Variants in PPP6R3 observed in about 807,000 individuals in gnomAD.
The protein encoded by PPP6R3 is serine/threonine-protein phosphatase 6 regulatory subunit 3.
PPP6R3 carries 38 observed loss-of-function variants against 110.7 expected under a neutral mutation model. That is an observed-to-expected ratio of 0.34 (90% confidence interval 0.26 to 0.45). The LOEUF is 0.45. Ranked by LOEUF, PPP6R3 falls within the 20% of genes least tolerant of loss-of-function variation. The pLI is 1.00. For missense variants in PPP6R3, 870 were observed against 1,062.4 expected, an observed-to-expected ratio of 0.82 and a Z score of 2.52; for synonymous variants, 369 against 373.5, an observed-to-expected ratio of 0.99 and a Z score of 0.14.
chr11:68,469,621 C>G (rs563754069), intron 1 of PPP6R3, among the ~76,000 whole-genome samples: 2 of 151,974 alleles, frequency 1.3e-5, no homozygotes, highest in Non-Finnish European at 2.9e-5. Flanking sequence ...TCAAGCAGTC[C>G]TCCCACCTTG....
rs142751405 is a variant in PPP6R3 at position 68,548,581 on chromosome 11, G to A, written c.552+377G>A. Among the ~76,000 whole-genome samples the A allele has an allele frequency of 5.3e-5, 8 of 152,258 alleles. No individual in the cohort carries two copies. The East Asian group carries it at 1.5e-3, about 29-fold the overall frequency. On this transcript the variant is annotated intron_variant, in intron 5 of 23. Coordinates refer to ENST00000393800, the MANE Select transcript of PPP6R3 (RefSeq NM_001164161.2). The stretch of plus-strand genomic sequence containing the variant: ...TCTAAGTCCCATTTGAGTATGTTAT[G>A]AGGCCACGCTCTTCAGGGCCACCTC...
At chr11:68,468,287 CA>C (rs757550972) in intron 1 of PPP6R3, among the ~76,000 whole-genome samples, 17 of 152,160 alleles carry the variant, frequency 1.1e-4, no homozygotes, top group Admixed American at 4.6e-4. Flanking sequence ...TAGTATGTGT[CA>C]GTTTTTTGTC....
chr11:68,505,192 C>T (rs2099069328), intron 1 of PPP6R3: 1 of 152,172 alleles, frequency 6.6e-6, no homozygotes, highest in Admixed American at 6.5e-5. Flanking sequence ...CAAATAGTGA[C>T]AGAACTTCCT....
intron 1 of PPP6R3, among the ~76,000 whole-genome samples, chr11:68,499,138 C>T (rs1328468655): frequency 1.3e-5 from 2 of 150,850 alleles, no homozygotes; most frequent in Non-Finnish European, 3.0e-5. Context: ...TTTTTATTAC[C>T]TTTCTATTTT....
At chr11:68,496,138 T>A (rs2099014117) in intron 1 of PPP6R3, among the ~76,000 whole-genome samples, 1 of 152,090 alleles carries the variant, frequency 6.6e-6, no homozygotes, top group Non-Finnish European at 1.5e-5. Flanking sequence ...CACAGGCATA[T>A]GCCACCATCT....
chr11:68,583,037 A>G lies in PPP6R3; in HGVS notation c.1546-6A>G, dbSNP rs190880089. 6,745 of 1,507,022 alleles carry G rather than the reference A, an allele frequency of 4.5e-3. 13 individuals are homozygous for G. The highest frequency in any genetic ancestry group is 5.5e-3 in the Non-Finnish European group (6,111 of 1,118,112). The allele number at this position is 1,507,022 out of a possible 1,614,324, so 93.4% of individuals were successfully genotyped here. On this transcript the variant is annotated splice_polypyrimidine_tract_variant and splice_region_variant and intron_variant, in intron 14 of 23. Coordinates refer to ENST00000393800, the MANE Select transcript of PPP6R3 (RefSeq NM_001164161.2). Reference sequence around the variant, plus strand: ...TAAATAGTCTTTTACATTTTTATGCATATAGGTTACAACCTGCCATATTCA... The same window carrying G: ...TAAATAGTCTTTTACATTTTTATGCGTATAGGTTACAACCTGCCATATTCA...
intron 14 of PPP6R3, among the ~76,000 whole-genome samples, chr11:68,576,521 A>AT (rs1418726657): frequency 5.9e-5 from 9 of 152,332 alleles, no homozygotes; most frequent in Admixed American, 2.0e-4. Flanking sequence ...CCAGCTTTAA[A>AT]ATTTTTTTAC....
At chr11:68,569,622 T>C (rs1565908367) in intron 10 of PPP6R3, 126 bp from the exon 11 acceptor site, 1 of 826,850 alleles carries the variant, frequency 1.2e-6, no homozygotes, top group Non-Finnish European at 1.8e-6. Context: ...AGGTTCCTTT[T>C]AATTGGTCCT....
intron 1 of PPP6R3, among the ~76,000 whole-genome samples, chr11:68,498,475 C>T (rs147560784): frequency 5.5e-4 from 84 of 152,298 alleles, no homozygotes; most frequent in African/African-American, 1.9e-3. Context: ...TCCACCTGGG[C>T]AAGCAGCCAT....
Position 68,596,187 on chromosome 11 carries a change from G to T in PPP6R3, c.2007G>T (p.Thr669=). 6.2e-7 allele frequency: 1 copy of T among 1,614,190 alleles called. No homozygotes were observed. Among genetic ancestry groups the T allele is most frequent in the Non-Finnish European group, 8.5e-7 (1 of 1,180,034 alleles). The part of the protein sequence containing the change: ...QDLFEPSSAN[T]EDKMEVDLSE... ...TGTTTGAACCCAGCAGTGCCAACAC[G>T]GAGGATAAAATGGAGGTGGACCTGA... Residue 669 remains threonine, a synonymous_variant, in exon 19 of 24, where the codon ACG becomes ACT. Coordinates refer to ENST00000393800, the MANE Select transcript of PPP6R3 (RefSeq NM_001164161.2).
At chr11:68,504,522 C>CAA (rs1242897944) in intron 1 of PPP6R3, among the ~76,000 whole-genome samples, 2 of 152,160 alleles carry the variant, frequency 1.3e-5, no homozygotes, top group African/African-American at 4.8e-5. Context: ...GGATATCTTA[C>CAA]AATATCTTTA....
intron 1 of PPP6R3, among the ~76,000 whole-genome samples, chr11:68,493,666 A>G (rs1284425233): frequency 6.7e-6 from 1 of 149,940 alleles, no homozygotes; most frequent in Admixed American, 6.7e-5. Context: ...ATACACACAC[A>G]CACAGAGACA....
At chr11:68,592,261 GAGAGAGGAATATTTGATCAGCAGCTTA>G (rs376003747) in intron 18 of PPP6R3, among the ~76,000 whole-genome samples, 46 of 152,224 alleles carry the variant, frequency 3.0e-4, no homozygotes, top group African/African-American at 1.1e-3. Flanking sequence ...TCATATTTAA[GAGAGAGGAATATTTGATCAGCAGCTTA>G]AGAGAGGAAT....
At chr11:68,511,747 C>G (rs2099111521) in intron 1 of PPP6R3, among the ~76,000 whole-genome samples, 1 of 144,404 alleles carries the variant, frequency 6.9e-6, no homozygotes, top group African/African-American at 2.6e-5. Context: ...TCCCAAAGTG[C>G]TGGGATTACA....
chr11:68,571,003 GAAGTATT>G, intron 11 of PPP6R3, 30 bp from the exon 12 acceptor site: 1 of 1,568,092 alleles, frequency 6.4e-7, no homozygotes. Context: ...TTGATGCTTT[GAAGTATT>G]AACTGGAATA....
chr11:68,470,278 A>C (rs577943124), intron 1 of PPP6R3, among the ~76,000 whole-genome samples: 3 of 152,286 alleles, frequency 2.0e-5, no homozygotes, highest in East Asian at 3.9e-4. Context: ...TACAGCAGTC[A>C]ACAGAAGGAG....
At chr11:68,509,870 C>T (rs2099099619) in intron 1 of PPP6R3, among the ~76,000 whole-genome samples, 1 of 150,716 alleles carries the variant, frequency 6.6e-6, no homozygotes, top group African/African-American at 2.4e-5. Context: ...CTGCCTCTGC[C>T]TCCCGAGTAG....
chr11:68,527,733 C>T (rs1437090005), intron 2 of PPP6R3, among the ~76,000 whole-genome samples: 1 of 152,252 alleles, frequency 6.6e-6, no homozygotes, highest in Non-Finnish European at 1.5e-5. Context: ...CAAGCCTGCA[C>T]AGTGCCGTGC....
At chr11:68,551,262 T>TTA in intron 6 of PPP6R3, 76 bp downstream of exon 6, 1 of 1,078,494 alleles carries the variant, frequency 9.3e-7, no homozygotes, top group South Asian at 1.4e-5. Context: ...CAGAGCATAC[T>TTA]TATATTAAAT....
Sources: gnomAD v4.1 joint callset for allele counts (sites outside exome capture counted in the v4.1 genomes callset) on GRCh38, gnomAD v4.1.1 for gene constraint, MANE v1.5 for transcripts, NCBI Gene and HGNC (gene_info 2026-07-23, HGNC 2026-07-21) for gene names.